HECW1: variants seen among roughly 807,000 people sequenced by gnomAD.
The protein encoded by HECW1 is HECT, C2 and WW domain containing E3 ubiquitin protein ligase 1.
In HECW1, 61 loss-of-function variants were observed where a neutral mutation model predicts 182.3. The ratio of observed to expected loss-of-function variants is 0.33; its 90% CI spans 0.27 to 0.41. HECW1 has a LOEUF of 0.41. Among genes scored for constraint, HECW1 ranks in the 10% least tolerant of loss-of-function variants. The probability of loss-of-function intolerance (pLI) is 1.00; values close to 1 mark genes in which losing one functional copy is unlikely to be tolerated. For missense variants in HECW1, 1,739 were observed against 2,108.9 expected, an observed-to-expected ratio of 0.82 and a Z score of 3.44; for synonymous variants, 859 against 832.6, an observed-to-expected ratio of 1.03 and a Z score of -0.55.
intron 17 of HECW1, among the ~76,000 whole-genome samples, chr7:43,490,395 A>G (rs2078884357): frequency 1.3e-5 from 2 of 152,232 alleles, no homozygotes; most frequent in Admixed American, 6.5e-5. Flanking sequence ...TTCTTTGATC[A>G]ATTAAACTCT....
intron 2 of HECW1, among the ~76,000 whole-genome samples, chr7:43,152,803 C>T (rs7807665): frequency 0.44 from 67,481 of 151,928 alleles, 15,107 homozygotes; most frequent in South Asian, 0.46. Flanking sequence ...GTAGGCGTTT[C>T]CCCCTGAGCT....
At chr7:43,406,809 T>C (rs2075625602) in intron 7 of HECW1, among the ~76,000 whole-genome samples, 1 of 152,064 alleles carries the variant, frequency 6.6e-6, no homozygotes, top group African/African-American at 2.4e-5. Context: ...TCCCAGCTAC[T>C]CGAGAGGCTG....
chr7:43,251,705 A>T (rs939002146), intron 3 of HECW1, among the ~76,000 whole-genome samples: 2 of 152,174 alleles, frequency 1.3e-5, no homozygotes, highest in Non-Finnish European at 2.9e-5. Flanking sequence ...ACTCCTGCCT[A>T]ATTAAAACCC....
In HECW1 at chr7:43,137,527, CTTTTATTTATTT is replaced by C. The variant is rs1394732256; in HGVS notation, c.-32+23137_-32+23148del. ...TTCTGCCTGGAATGCTTTCTGCCTT[CTTTTATTTATTT>C]ATTTATTTATTTATTTATTTATTTA... On this transcript the variant is annotated intron_variant, in intron 2 of 29. Transcript: ENST00000395891. 8.7e-5 allele frequency among the ~76,000 whole-genome samples: 12 copies of C among 137,434 alleles called. No homozygotes were observed. In the South Asian group the frequency reaches 1.7e-3, roughly 19 times the overall value. 90.2% of individuals were successfully genotyped at this position (137,434 alleles called of 152,430 possible).
intron 6 of HECW1, among the ~76,000 whole-genome samples, chr7:43,370,438 T>G (rs1462102755): frequency 1.1e-4 from 16 of 152,214 alleles, no homozygotes; most frequent in Admixed American, 1.0e-3. Context: ...GGAAGACAAT[T>G]TGGTTGTTAC....
At chr7:43,480,622 T>C (rs1398295730) in intron 17 of HECW1, among the ~76,000 whole-genome samples, 3 of 151,582 alleles carry the variant, frequency 2.0e-5, no homozygotes, top group Non-Finnish European at 2.9e-5. Context: ...TGTGTGTGTG[T>C]GCGTGTGTGT....
At chr7:43,179,255 G>C (rs1792559360) in intron 2 of HECW1, among the ~76,000 whole-genome samples, 1 of 152,228 alleles carries the variant, frequency 6.6e-6, no homozygotes, top group Non-Finnish European at 1.5e-5. Context: ...GAATCGAGCT[G>C]TATTATTTGT....
At chr7:43,496,200 G>C (rs1331155684) in intron 19 of HECW1, among the ~76,000 whole-genome samples, 1 of 150,562 alleles carries the variant, frequency 6.6e-6, no homozygotes, top group Non-Finnish European at 1.5e-5. Flanking sequence ...AAATTATCTA[G>C]TATGGAAACT....
chr7:43,490,346 G>A (rs529440724), intron 17 of HECW1, among the ~76,000 whole-genome samples: 32 of 152,206 alleles, frequency 2.1e-4, no homozygotes, highest in African/African-American at 7.5e-4. Context: ...TCCCTTTCTG[G>A]TTCTGGTTCT....
chr7:43,335,264 C>T (rs1811975025), intron 5 of HECW1, among the ~76,000 whole-genome samples: 1 of 152,196 alleles, frequency 6.6e-6, no homozygotes, highest in Non-Finnish European at 1.5e-5. Flanking sequence ...AAATACATTT[C>T]AGGCAAACTC....
intron 2 of HECW1, among the ~76,000 whole-genome samples, chr7:43,180,553 G>A (rs552162995): frequency 2.0e-5 from 3 of 152,028 alleles, no homozygotes; most frequent in Admixed American, 1.3e-4. Context: ...CCGCCACCAC[G>A]CCTGGCTAAT....
intron 3 of HECW1, among the ~76,000 whole-genome samples, chr7:43,254,470 G>A (rs1319279259): frequency 1.3e-5 from 2 of 152,192 alleles, no homozygotes; most frequent in Admixed American, 1.3e-4. Flanking sequence ...CAGCCCTCCT[G>A]GAAATATCTG....
At chr7:43,144,680 T>C (rs1788511650) in intron 2 of HECW1, among the ~76,000 whole-genome samples, 1 of 152,198 alleles carries the variant, frequency 6.6e-6, no homozygotes, top group Non-Finnish European at 1.5e-5. Flanking sequence ...TGTTTCTTTG[T>C]CTGTTGCTTT....
intron 8 of HECW1, among the ~76,000 whole-genome samples, chr7:43,425,932 C>T (rs917098915): frequency 6.6e-6 from 1 of 151,986 alleles, no homozygotes; most frequent in African/African-American, 2.4e-5. Context: ...TTATTTTGTC[C>T]CTTTTTTCTA....
intron 2 of HECW1, among the ~76,000 whole-genome samples, chr7:43,136,540 C>G (rs146373278): frequency 6.6e-6 from 1 of 152,158 alleles, no homozygotes; most frequent in Non-Finnish European, 1.5e-5. Flanking sequence ...AAAAACGGGT[C>G]ACTTCTGGAA....
chr7:43,515,949 T>G (rs575246094), intron 24 of HECW1, among the ~76,000 whole-genome samples: 4 of 152,354 alleles, frequency 2.6e-5, no homozygotes, highest in African/African-American at 9.6e-5. Flanking sequence ...GCATGAATAT[T>G]GCAAATGCAT....
chr7:43,278,333 A>G (rs1224178667), intron 3 of HECW1, among the ~76,000 whole-genome samples: 3 of 151,980 alleles, frequency 2.0e-5, no homozygotes, highest in Non-Finnish European at 4.4e-5. Context: ...TGCACCCCAC[A>G]TCCAAACCTC....
At chr7:43,113,043 C>T (rs975894630) in intron 1 of HECW1, 106 bp downstream of exon 1, 1 of 184,278 alleles carries the variant, frequency 5.4e-6, no homozygotes, top group East Asian at 8.6e-5. Context: ...CCTCCCTTCT[C>T]GGGGCCGAGA....
At chr7:43,286,656 A>T (rs576370530) in intron 3 of HECW1, among the ~76,000 whole-genome samples, 3 of 152,172 alleles carry the variant, frequency 2.0e-5, no homozygotes, top group Non-Finnish European at 4.4e-5. Flanking sequence ...TGTGCCCGGT[A>T]AAAGTTCAAA....
Sources: gnomAD v4.1 joint callset for allele counts (sites outside exome capture counted in the v4.1 genomes callset) on GRCh38, gnomAD v4.1.1 for gene constraint, MANE v1.5 for transcripts, NCBI Gene and HGNC (gene_info 2026-07-23, HGNC 2026-07-21) for gene names.